The following TRRAP variants were observed in gnomAD, a reference collection of about 807,000 sequenced individuals.
TRRAP encodes the protein transformation/transcription domain-associated protein.
Under a neutral mutation model 438.8 loss-of-function variants are expected in TRRAP, and 41 were observed. The observed-to-expected ratio is 0.09, with a 90% confidence interval of 0.07 to 0.12. TRRAP has a LOEUF of 0.12. Among genes scored for constraint, TRRAP ranks in the 10% least tolerant of loss-of-function variants. The pLI is 1.00. For synonymous variants in TRRAP, 1,994 were observed against 1,962.9 expected (o/e 1.02, Z -0.42); for missense variants, 3,122 against 5,055.1 (o/e 0.62, Z 11.60).
intron 3 of TRRAP, among the ~76,000 whole-genome samples, chr7:98,888,979 G>A (rs1241172878): frequency 6.6e-6 from 1 of 150,424 alleles, no homozygotes; most frequent in Non-Finnish European, 1.5e-5. Flanking sequence ...AATAAGTGAA[G>A]CATTAAACAA....
At chr7:98,942,896 C>A in intron 30 of TRRAP, 53 bp from the exon 31 acceptor site, 3 of 1,589,356 alleles carry the variant, frequency 1.9e-6, no homozygotes, top group Non-Finnish European at 2.6e-6. Context: ...TAGTTTCCAC[C>A]AGTGGAATGC....
At chr7:98,888,147 G>A (rs768387792) in intron 3 of TRRAP, among the ~76,000 whole-genome samples, 27 of 150,518 alleles carry the variant, frequency 1.8e-4, no homozygotes, top group Non-Finnish European at 3.3e-4. Flanking sequence ...GGAGAATGGC[G>A]TGAACCTAGG....
chr7:98,939,906 G>C (rs1285753673), intron 30 of TRRAP, among the ~76,000 whole-genome samples: 4 of 152,144 alleles, frequency 2.6e-5, no homozygotes, highest in African/African-American at 9.7e-5. Context: ...TTTTGAGACA[G>C]AGTATGGCTC....
At position 98,908,872 on chromosome 7, in the gene TRRAP, C is replaced by T. The variant is rs1554408014; in HGVS notation, c.1260C>T (p.Cys420=). The T allele has an allele frequency of 2.5e-6, 4 of 1,614,068 alleles. No individual in the cohort carries two copies. The highest frequency in any genetic ancestry group is 3.4e-6 in the Non-Finnish European group (4 of 1,179,984). The change falls in exon 14 of 73, where the codon TGC becomes TGT. Residue 420 remains cysteine (C), a synonymous_variant. Transcript: ENST00000456197. The surrounding 1 kb of genome is among the most constrained non-coding windows in gnomAD (Gnocchi z 4.1). ...SLPSSIQTMS[C]KLLLNLVDCI... The stretch of plus-strand genomic sequence containing the variant: ...CCAGCAGCATCCAGACCATGTCCTG[C>T]AAGCTCCTGCTGAACCTGGTGGACT...
chr7:98,893,253 C>G (rs1376435329), intron 5 of TRRAP, among the ~76,000 whole-genome samples: 1 of 152,182 alleles, frequency 6.6e-6, no homozygotes, highest in Non-Finnish European at 1.5e-5. Context: ...CCCAGCCCTC[C>G]TAATCTTGAT....
chr7:98,880,762 G>A (rs1468018935), intron 1 of TRRAP, among the ~76,000 whole-genome samples: 2 of 152,132 alleles, frequency 1.3e-5, no homozygotes, highest in Non-Finnish European at 2.9e-5. Flanking sequence ...TTATAGCAGC[G>A]CTGAGTAGTT....
chr7:98,985,344 G>A (rs970578885), intron 62 of TRRAP, among the ~76,000 whole-genome samples: 1 of 152,214 alleles, frequency 6.6e-6, no homozygotes. Flanking sequence ...GAGCTGGTTC[G>A]TTTTGTGGAG....
chr7:98,978,073 A>T, intron 56 of TRRAP, 138 bp from the exon 57 acceptor site: 1 of 739,022 alleles, frequency 1.4e-6, no homozygotes, highest in East Asian at 2.7e-5. Flanking sequence ...TGAGCCTAGG[A>T]ATTAAGAGTT....
At chr7:98,906,342 C>T (rs533820052) in intron 13 of TRRAP, 87 bp downstream of exon 13, 10 of 1,079,668 alleles carry the variant, frequency 9.3e-6, no homozygotes, top group South Asian at 1.5e-5. Flanking sequence ...TTTCAATGAA[C>T]ACCGGCTGTT....
At chr7:98,971,178 T>G (rs1437697773) in intron 52 of TRRAP, among the ~76,000 whole-genome samples, 1 of 152,240 alleles carries the variant, frequency 6.6e-6, no homozygotes, top group African/African-American at 2.4e-5. Context: ...TTACTGTTGC[T>G]AAAACACTAG....
intron 53 of TRRAP, among the ~76,000 whole-genome samples, chr7:98,973,857 G>A (rs752798966): frequency 2.6e-5 from 4 of 152,208 alleles, no homozygotes; most frequent in Non-Finnish European, 4.4e-5. Flanking sequence ...TCCTTGGGCC[G>A]CTCTGGCAGA....
chr7:98,937,424 T>C, intron 29 of TRRAP, 147 bp downstream of exon 29: 1 of 1,242,522 alleles, frequency 8.0e-7, no homozygotes, highest in Non-Finnish European at 1.1e-6. Context: ...CACTAAACTG[T>C]AATAAGAATA....
chr7:98,901,420 T>G (rs537843479), intron 11 of TRRAP, among the ~76,000 whole-genome samples: 46 of 152,348 alleles, frequency 3.0e-4, no homozygotes, highest in Middle Eastern at 3.4e-3. Context: ...ACATGGGAAT[T>G]TTAAGGGGAT....
At chr7:98,928,561 C>T (rs1227116906) in intron 23 of TRRAP, among the ~76,000 whole-genome samples, 6 of 152,166 alleles carry the variant, frequency 3.9e-5, no homozygotes, top group African/African-American at 7.2e-5. Flanking sequence ...TAACTTCCAC[C>T]TTGGACCTGG....
chr7:98,930,929 A>G, intron 25 of TRRAP, 99 bp downstream of exon 25: 5 of 1,455,314 alleles, frequency 3.4e-6, no homozygotes, highest in Non-Finnish European at 4.7e-6. Context: ...CTCTCCTAGC[A>G]GCATGGTGAC....
intron 21 of TRRAP, among the ~76,000 whole-genome samples, chr7:98,922,224 G>C (rs1237001670): frequency 6.6e-6 from 1 of 152,130 alleles, no homozygotes; most frequent in Non-Finnish European, 1.5e-5. Context: ...CTTCCATTCT[G>C]ATGCCTGGCA....
Position 98,976,590 on chromosome 7 carries a change from C to G in TRRAP, c.8067C>G (p.Cys2689Trp), listed in dbSNP as rs140761278. ...LNCFVEAMSQ[C>W]VPPIPIRPCV... ...GCTTTGTGGAAGCCATGTCCCAGTGCGTGCCGCCAATCCCCATCCGACCCT... is the reference window on the plus strand; with the variant it reads ...GCTTTGTGGAAGCCATGTCCCAGTGGGTGCCGCCAATCCCCATCCGACCCT... Residue 2689 changes from cysteine to tryptophan, a missense_variant, in exon 55 of 73, where the codon TGC becomes TGG. Cys to Trp is a radical substitution (Grantham distance 215). Coordinates refer to ENST00000456197, the MANE Select transcript of TRRAP (RefSeq NM_001375524.1). The surrounding 1 kb of genome is among the most constrained non-coding windows in gnomAD (Gnocchi z 4.6). 2 of 1,614,234 alleles carry G rather than the reference C, an allele frequency of 1.2e-6. No individual in the cohort carries two copies. The highest frequency in any genetic ancestry group is 1.7e-6 in the Non-Finnish European group (2 of 1,180,048).
At position 98,964,399 on chromosome 7, in the gene TRRAP, G is replaced by A. The variant is rs537981589; in HGVS notation, c.6830-230G>A. Among the ~76,000 whole-genome samples the A allele has an allele frequency of 2.6e-5, 4 of 152,248 alleles. No homozygotes were observed. The South Asian group carries it at 6.2e-4, about 24-fold the overall frequency. On this transcript the variant is annotated intron_variant, in intron 47 of 72. Coordinates refer to ENST00000456197, the MANE Select transcript of TRRAP (RefSeq NM_001375524.1). ...AGGTAAGAACGTTGTTTCTACTGAA[G>A]CACAAAAATCAGTTCTCATTCATGA...
At chr7:98,936,358 A>C (rs1294625862) in intron 28 of TRRAP, among the ~76,000 whole-genome samples, 16 of 152,170 alleles carry the variant, frequency 1.1e-4, no homozygotes, top group Non-Finnish European at 4.4e-5. Flanking sequence ...AGCCAAAGCC[A>C]ACAGGGGGAC....
Sources: allele counts gnomAD v4.1 joint callset (sites outside exome capture counted in the v4.1 genomes callset), GRCh38; gene constraint gnomAD v4.1.1; non-coding constraint Gnocchi (gnomAD v3.1); transcripts MANE v1.5; gene names NCBI Gene and HGNC (gene_info 2026-07-23, HGNC 2026-07-21).